Variants in RIOK2 observed in about 807,000 individuals in gnomAD.
RIOK2 encodes RIO kinase 2.
Under a neutral mutation model 62.4 loss-of-function variants are expected in RIOK2, and 46 were observed. The ratio of observed to expected loss-of-function variants is 0.74; its 90% CI spans 0.58 to 0.94. RIOK2 has a LOEUF of 0.94. RIOK2 is among the 40% of genes least tolerant of loss of function. RIOK2 has a pLI of 0.00. For missense variants in RIOK2, 574 were observed against 658.0 expected (o/e 0.87, Z 1.40); for synonymous variants, 197 against 216.0 (o/e 0.91, Z 0.77).
chr5:97,176,112 A>AT (rs1749156326), intron 4 of RIOK2: 1 of 152,054 alleles, frequency 6.6e-6, no homozygotes, highest in Non-Finnish European at 1.5e-5. Flanking sequence ...CAGGTTAAGC[A>AT]TTTTTTTCTA....
chr5:97,178,606 CTA>C (rs1749242147), intron 2 of RIOK2, among the ~76,000 whole-genome samples: 1 of 147,850 alleles, frequency 6.8e-6, no homozygotes, highest in Non-Finnish European at 1.5e-5. Flanking sequence ...CTGCAGTACT[CTA>C]TGTGCTCTTC....
At chr5:97,178,958 A>T in intron 2 of RIOK2, 97 bp downstream of exon 2, 1 of 1,378,142 alleles carries the variant, frequency 7.3e-7, no homozygotes, top group Non-Finnish European at 1.0e-6. Context: ...CTAATGCTTT[A>T]CTAGTCTGGC....
At chr5:97,174,857 G>C (rs1274580683) in intron 4 of RIOK2, among the ~76,000 whole-genome samples, 1 of 152,050 alleles carries the variant, frequency 6.6e-6, no homozygotes, top group Non-Finnish European at 1.5e-5. Flanking sequence ...TGAATCTCTT[G>C]AGGCCAGGGG....
At chr5:97,178,317 T>TGCTCTTCTGCAGTACCTAC (rs1749226244) in intron 2 of RIOK2, among the ~76,000 whole-genome samples, 2 of 147,552 alleles carry the variant, frequency 1.4e-5, no homozygotes, top group East Asian at 2.0e-4. Context: ...CTTTATCCTA[T>TGCTCTTCTGCAGTACCTAC]ATGCTCTTCT....
At chr5:97,176,521 T>C (rs796767464) in intron 4 of RIOK2, among the ~76,000 whole-genome samples, 2 of 152,254 alleles carry the variant, frequency 1.3e-5, no homozygotes, top group African/African-American at 4.8e-5. Context: ...CTTGTATTTT[T>C]AGTAGGGATG....
chr5:97,176,862 C>A, intron 4 of RIOK2: 1 of 380,450 alleles, frequency 2.6e-6, no homozygotes, highest in Non-Finnish European at 4.8e-6. Context: ...ACTTTTGGCT[C>A]TTTCATCTTG....
chr5:97,180,887 AT>A lies in RIOK2; in HGVS notation c.67-1695del, dbSNP rs886159049. 2.6e-3 allele frequency among the ~76,000 whole-genome samples: 386 copies of A among 149,494 alleles called. 1 individual carries two copies. Among genetic ancestry groups the A allele is most frequent in the African/African-American group, 5.5e-3 (224 of 40,564 alleles). On this transcript the variant is annotated intron_variant, in intron 1 of 9. Coordinates refer to ENST00000283109, the MANE Select transcript of RIOK2 (RefSeq NM_018343.3). ...GAAAAGCAAGTTTTAAGATTTTATTATTTTTTTTTTTTATAGAGCTTGGGAA... is the reference window on the plus strand; with the variant it reads ...GAAAAGCAAGTTTTAAGATTTTATTATTTTTTTTTTTATAGAGCTTGGGAA...
At position 97,177,250 on chromosome 5, in the gene RIOK2, ATGCAAATTGTTGTCCTTCTTCATT is replaced by A. The variant is rs779738610; in HGVS notation, c.340_363del (p.Asn114_Ala121del). The A allele has an allele frequency of 6.2e-7, 1 of 1,613,206 alleles. No homozygotes were observed. Among genetic ancestry groups the A allele is most frequent in the East Asian group, 2.2e-5 (1 of 44,780 alleles). On this transcript the variant is annotated inframe_deletion, in exon 4 of 10. Coordinates refer to ENST00000283109, the MANE Select transcript of RIOK2 (RefSeq NM_018343.3). The stretch of plus-strand genomic sequence containing the variant: ...GTTCTTCCTAGTCTGTGAAGCTTTA[ATGCAAATTGTTGTCCTTCTTCATT>A]TGCAACAATGTAAATATCTAGAGAC...
chr5:97,171,736 C>A (rs1203985607), intron 5 of RIOK2, among the ~76,000 whole-genome samples: 1 of 152,082 alleles, frequency 6.6e-6, no homozygotes, highest in Non-Finnish European at 1.5e-5. Flanking sequence ...CAGTGAGTGA[C>A]CTAAATAATA....
chr5:97,173,219 G>A lies in RIOK2; in HGVS notation c.543C>T (p.Tyr181=), dbSNP rs1201325650. The A allele has an allele frequency of 6.2e-7, 1 of 1,613,296 alleles. No individual in the cohort carries two copies. Among genetic ancestry groups the A allele is most frequent in the Non-Finnish European group, 8.5e-7 (1 of 1,179,580 alleles). ...GTTCCATGACCACTGCATGACGATT[G>A]TAATCAATTGGCTTTGGAACTGGAA... The part of the protein sequence containing the change: ...RKFPVPKPID[Y]NRHAVVMELI... Residue 181 remains tyrosine (Y), a synonymous_variant, in exon 5 of 10, where the codon TAC becomes TAT. Transcript: ENST00000283109.
intron 9 of RIOK2, 32 bp from the exon 10 acceptor site, chr5:97,163,257 TAATG>T: frequency 6.3e-7 from 1 of 1,576,108 alleles, no homozygotes; most frequent in Non-Finnish European, 8.7e-7. Flanking sequence ...GTATTACTGA[TAATG>T]AACCATTTCA....
Position 97,163,151 on chromosome 5 carries a change from T to C in RIOK2, c.1569A>G (p.Lys523=), listed in dbSNP as rs772402908. The change falls in exon 10 of 10, where the codon AAA becomes AAG. Residue 523 remains lysine (K), a synonymous_variant. Coordinates refer to ENST00000283109, the MANE Select transcript of RIOK2 (RefSeq NM_018343.3). ...GCTTGGTAAATATATTTGCTTCTCC[T>C]TTCTGCAATCGACGTCTGACAGCTG... The part of the protein sequence containing the change: ...QKSAVRRRLQ[K]GEANIFTKQR... 9.9e-6 allele frequency: 16 copies of C among 1,613,636 alleles called. No individual in the cohort carries two copies. In the South Asian group the frequency reaches 1.8e-4, roughly 18 times the overall value.
chr5:97,166,926 T>C, intron 8 of RIOK2: 8 of 955,068 alleles, frequency 8.4e-6, no homozygotes, highest in Non-Finnish European at 1.0e-5. Flanking sequence ...TATATATATA[T>C]ATTTTTGAGA....
intron 4 of RIOK2, among the ~76,000 whole-genome samples, chr5:97,175,614 T>C (rs1749143741): frequency 9.9e-5 from 15 of 152,240 alleles, no homozygotes; most frequent in Admixed American, 9.8e-4. Context: ...AAGAAGTACA[T>C]TGACATGTAT....
chr5:97,178,972 T>G, intron 2 of RIOK2, 83 bp downstream of exon 2: 1 of 1,527,770 alleles, frequency 6.5e-7, no homozygotes, highest in Non-Finnish European at 9.0e-7. Context: ...GTCTGGCAAC[T>G]TCTACTTCTT....
rs532252361 is a variant in RIOK2, at chr5:97,166,995, C to A, written c.1397+472G>T. The A allele has an allele frequency of 5.4e-6, 3 of 557,162 alleles. No individual in the cohort carries two copies. In the East Asian group the frequency reaches 4.2e-4, roughly 77 times the overall value. The allele number at this position is 557,162 out of a possible 1,614,324, so 34.5% of individuals were successfully genotyped here. On this transcript the variant is annotated intron_variant, in intron 8 of 9. Coordinates refer to ENST00000283109, the MANE Select transcript of RIOK2 (RefSeq NM_018343.3). The stretch of plus-strand genomic sequence containing the variant: ...CAGTGGTACGATCTTTGGCTTACTG[C>A]AACCTCTGCCTCCCAGGTTCAAGTG...
chr5:97,165,955 G>A (rs1433166011), intron 8 of RIOK2, among the ~76,000 whole-genome samples: 2 of 152,162 alleles, frequency 1.3e-5, no homozygotes, highest in East Asian at 3.8e-4. Flanking sequence ...CCCCAGTGTG[G>A]GTGGACCTCA....
At chr5:97,170,708 G>C (rs751619278) in intron 6 of RIOK2, among the ~76,000 whole-genome samples, 10 of 152,144 alleles carry the variant, frequency 6.6e-5, no homozygotes, top group Admixed American at 6.5e-4. Flanking sequence ...GAAAACTCTA[G>C]TAGTTATACT....
chr5:97,181,277 A>C (rs1749404532), intron 1 of RIOK2, among the ~76,000 whole-genome samples: 1 of 151,878 alleles, frequency 6.6e-6, no homozygotes, highest in Non-Finnish European at 1.5e-5. Flanking sequence ...TCTCAAAAAA[A>C]AAAAAAAAAG....
Sources: gnomAD v4.1 joint callset for allele counts (sites outside exome capture counted in the v4.1 genomes callset) on GRCh38, gnomAD v4.1.1 for gene constraint, MANE v1.5 for transcripts, NCBI Gene and HGNC (gene_info 2026-07-23, HGNC 2026-07-21) for gene names.